Variants in ZNF423 observed in about 807,000 individuals in gnomAD.
The protein encoded by ZNF423 is zinc finger protein 423, also known as Ebf-associated zinc finger protein.
A neutral mutation model predicts 95.8 loss-of-function variants in ZNF423; 12 were observed. That is an observed-to-expected ratio of 0.13 (90% CI 0.08 to 0.20). The LOEUF (loss-of-function observed/expected upper bound fraction) is 0.20. ZNF423 is among the 10% of genes least tolerant of loss of function. The pLI is 1.00. For missense variants in ZNF423, 1,316 were observed against 1,737.1 expected, an observed-to-expected ratio of 0.76 and a Z score of 4.31; for synonymous variants, 749 against 711.9, an observed-to-expected ratio of 1.05 and a Z score of -0.83.
chr16:49,505,337 G>A (rs962828249), intron 7 of ZNF423, among the ~76,000 whole-genome samples: 2 of 152,172 alleles, frequency 1.3e-5, no homozygotes, highest in Non-Finnish European at 2.9e-5. Flanking sequence ...ATGATATAAG[G>A]AAACTTTGAT....
At chr16:49,679,885 T>C (rs2031278005) in intron 3 of ZNF423, among the ~76,000 whole-genome samples, 1 of 152,174 alleles carries the variant, frequency 6.6e-6, no homozygotes, top group Admixed American at 6.5e-5. Context: ...AGTACGCACT[T>C]CCTCCCTTCT....
chr16:49,738,334 G>A (rs189020890), intron 2 of ZNF423, among the ~76,000 whole-genome samples: 168 of 152,292 alleles, frequency 1.1e-3, no homozygotes, highest in Non-Finnish European at 1.6e-3. Context: ...GTAAGGGGCC[G>A]GCATCCAGGG....
At chr16:49,727,858 A>G (rs1453245652) in intron 3 of ZNF423, among the ~76,000 whole-genome samples, 2 of 152,204 alleles carry the variant, frequency 1.3e-5, no homozygotes, top group African/African-American at 4.8e-5. Flanking sequence ...CACGGTCTCT[A>G]TTGGGCTTCT....
intron 7 of ZNF423, among the ~76,000 whole-genome samples, chr16:49,497,842 G>GTCCCGTTAA (rs1967225504): frequency 6.6e-6 from 1 of 152,218 alleles, no homozygotes; most frequent in Non-Finnish European, 1.5e-5. Context: ...GTGAAGTTGG[G>GTCCCGTTAA]TCCCGTTATT....
intron 2 of ZNF423, among the ~76,000 whole-genome samples, chr16:49,743,894 G>A (rs1596957873): frequency 6.6e-6 from 1 of 152,158 alleles, no homozygotes; most frequent in South Asian, 2.1e-4. Flanking sequence ...CGGAAGTGGC[G>A]CCTGGAGAAA....
Position 49,811,156 on chromosome 16 carries a change from AGATTTCAAGAAGAAACAGATGGGAC to A in ZNF423, c.41-21635_41-21611del, listed in dbSNP as rs1475550798. Among the ~76,000 whole-genome samples, 37 of 152,312 alleles carry A rather than the reference AGATTTCAAGAAGAAACAGATGGGAC, an allele frequency of 2.4e-4. No individual in the cohort carries two copies. The South Asian group carries it at 5.4e-3, about 22-fold the overall frequency. On this transcript the variant is annotated intron_variant, in intron 1 of 7. Transcript: ENST00000563137. ...CCAACCAGTGGAAGGCACTACAGAA[AGATTTCAAGAAGAAACAGATGGGAC>A]GATTTCAAGAAGAAACAGATGGGAC...
At chr16:49,738,678 G>A (rs981299997) in intron 2 of ZNF423, among the ~76,000 whole-genome samples, 12 of 152,032 alleles carry the variant, frequency 7.9e-5, no homozygotes, top group Non-Finnish European at 1.0e-4. Flanking sequence ...CCAGTGGAGC[G>A]GAGAAAGTGA....
intron 2 of ZNF423, among the ~76,000 whole-genome samples, chr16:49,775,029 C>T (rs1457866077): frequency 1.3e-5 from 2 of 152,164 alleles, no homozygotes; most frequent in African/African-American, 4.8e-5. Context: ...GCCCCACCAG[C>T]CCCCAGACGC....
intron 1 of ZNF423, among the ~76,000 whole-genome samples, chr16:49,813,258 C>T (rs568945283): frequency 4.1e-4 from 61 of 148,866 alleles, no homozygotes; most frequent in Admixed American, 1.3e-3. Context: ...GCTGGCCTAA[C>T]AGGCAACGGC....
At chr16:49,556,919 A>AAT (rs1226586461) in intron 5 of ZNF423, among the ~76,000 whole-genome samples, 1 of 152,196 alleles carries the variant, frequency 6.6e-6, no homozygotes, top group African/African-American at 2.4e-5. Flanking sequence ...CATGTAACTC[A>AAT]ATATATGTCA....
chr16:49,838,874 C>T (rs1399900237), intron 1 of ZNF423, among the ~76,000 whole-genome samples: 2 of 151,832 alleles, frequency 1.3e-5, no homozygotes, highest in South Asian at 2.1e-4. Context: ...GCGCGGGGGG[C>T]GGCCCAGCGC....
intron 1 of ZNF423, among the ~76,000 whole-genome samples, chr16:49,822,429 C>T (rs2034956246): frequency 6.6e-6 from 1 of 152,174 alleles, no homozygotes; most frequent in Admixed American, 6.5e-5. Context: ...CTGCCTCAAC[C>T]TCCCAAAATG....
chr16:49,821,683 TC>T (rs577342328), intron 1 of ZNF423, among the ~76,000 whole-genome samples: 70 of 152,316 alleles, frequency 4.6e-4, no homozygotes, highest in African/African-American at 1.6e-3. Flanking sequence ...TCTGCCTTTG[TC>T]CCTGCCTGGC....
intron 1 of ZNF423, among the ~76,000 whole-genome samples, chr16:49,804,586 A>G (rs1157660697): frequency 6.6e-6 from 1 of 152,054 alleles, no homozygotes. Context: ...CTACAAGGCC[A>G]CCTCCTCTCC....
At chr16:49,601,475 G>A (rs1422477353) in intron 5 of ZNF423, among the ~76,000 whole-genome samples, 1 of 152,180 alleles carries the variant, frequency 6.6e-6, no homozygotes, top group African/African-American at 2.4e-5. Context: ...CTTCCCACAG[G>A]AACGGAACCT....
Position 49,731,254 on chromosome 16 carries a change from G to A in ZNF423, c.101-283C>T, listed in dbSNP as rs1311521928. ...GGGGGCCGTGACCCATCGGAGAGGT[G>A]AAAAACCTTATTTGTCTCCTAAAAA... is the stretch of plus-strand genomic sequence containing the variant. On this transcript the variant is annotated intron_variant, in intron 2 of 7. Coordinates refer to ENST00000563137, the MANE Select transcript of ZNF423 (RefSeq NM_001379286.1). 3.2e-6 allele frequency: 3 copies of A among 949,194 alleles called. No individual in the cohort carries two copies. The African/African-American group carries it at 5.3e-5, about 17-fold the overall frequency. 58.8% of individuals were successfully genotyped at this position (949,194 alleles called of 1,614,324 possible).
intron 2 of ZNF423, among the ~76,000 whole-genome samples, chr16:49,755,885 G>A (rs537602767): frequency 6.6e-6 from 1 of 152,280 alleles, no homozygotes; most frequent in South Asian, 2.1e-4. Context: ...TTGCCGGAAT[G>A]CCTGCCACCC....
intron 1 of ZNF423, among the ~76,000 whole-genome samples, chr16:49,853,121 C>T (rs1044317450): frequency 2.6e-5 from 4 of 152,084 alleles, no homozygotes; most frequent in African/African-American, 9.7e-5. Context: ...CTACATTAGC[C>T]CTGACACACA....
At chr16:49,673,496 TGAGG>T (rs2030912241) in intron 3 of ZNF423, among the ~76,000 whole-genome samples, 1 of 152,202 alleles carries the variant, frequency 6.6e-6, no homozygotes, top group Admixed American at 6.5e-5. Flanking sequence ...ACTCCAGCAT[TGAGG>T]AAAACCTCCA....
Sources: allele counts gnomAD v4.1 joint callset (sites outside exome capture counted in the v4.1 genomes callset), GRCh38; gene constraint gnomAD v4.1.1; transcripts MANE v1.5; gene names NCBI Gene and HGNC (gene_info 2026-07-23, HGNC 2026-07-21).